The following CEP131 variants were observed in gnomAD, a reference collection of about 807,000 sequenced individuals.
The protein encoded by CEP131 is centrosomal protein of 131 kDa.
A neutral mutation model predicts 136.8 loss-of-function variants in CEP131; 99 were observed. The ratio of observed to expected loss-of-function variants is 0.72; its 90% confidence interval spans 0.62 to 0.86. The LOEUF (loss-of-function observed/expected upper bound fraction) is 0.86. CEP131 is among the 40% of genes least tolerant of loss of function. The pLI is 0.00. For missense variants in CEP131, 1,459 were observed against 1,463.0 expected, an observed-to-expected ratio of 1.00 and a Z score of 0.04; for synonymous variants, 646 against 612.7, an observed-to-expected ratio of 1.05 and a Z score of -0.80.
At chr17:81,195,984 C>T in intron 15 of CEP131, 33 bp from the exon 16 acceptor site, 1 of 1,569,328 alleles carries the variant, frequency 6.4e-7, no homozygotes, top group Non-Finnish European at 8.7e-7. Flanking sequence ...GGTGCTACAC[C>T]AAGGCCCCAG....
chr17:81,196,830 C>T lies in CEP131; in HGVS notation c.1774-4G>A, dbSNP rs1229406078. The T allele has an allele frequency of 1.3e-6, 2 of 1,596,766 alleles. No homozygotes were observed. Among genetic ancestry groups the T allele is most frequent in the South Asian group, 1.1e-5 (1 of 88,500 alleles). ...CCGTGAGGTCTCGCTGCTGCGCCTG[C>T]AGGGTGTGGGCAGAGGAGGGAAGCG... On this transcript the variant is annotated splice_polypyrimidine_tract_variant and splice_region_variant and intron_variant, in intron 14 of 25. Coordinates refer to ENST00000450824, the MANE Select transcript of CEP131 (RefSeq NM_014984.4).
chr17:81,217,321 T>A (rs2062269514), intron 2 of CEP131, among the ~76,000 whole-genome samples: 1 of 151,412 alleles, frequency 6.6e-6, no homozygotes, highest in African/African-American at 2.4e-5. Context: ...CGCAGGAAGA[T>A]CTTTAGAGAC....
Position 81,208,958 on chromosome 17 carries a change from T to A in CEP131, c.242A>T (p.Gln81Leu). ...GGAGCCGCTCCGAGGCTGGCTGACCTGCGTGGTGCTGTTGGATCTTCTAAG... is the reference window on the plus strand; with the variant it reads ...GGAGCCGCTCCGAGGCTGGCTGACCAGCGTGGTGCTGTTGGATCTTCTAAG... ...NNLRRSNSTT[Q>L]VSQPRSGSPR... is the part of the protein sequence containing the mutation. The change falls in exon 3 of 26, where the codon CAG becomes CTG. Residue 81 changes from glutamine to leucine, a missense_variant. Physicochemically the swap from Gln to Leu is moderately radical, Grantham distance 113. This residue lies in a region of CEP131 where 187 missense variants were observed against 179.9 expected (regional missense o/e 1.04). Coordinates refer to ENST00000450824, the MANE Select transcript of CEP131 (RefSeq NM_014984.4). This position sits in a 1 kb window ranked among gnomAD's most constrained non-coding sequence, Gnocchi z 5.6. 6.2e-7 allele frequency: 1 copy of A among 1,613,970 alleles called. No homozygotes were observed. Among genetic ancestry groups the A allele is most frequent in the African/African-American group, 1.3e-5 (1 of 75,044 alleles).
chr17:81,192,655 G>C, intron 19 of CEP131, 62 bp from the exon 20 acceptor site: 2 of 1,431,530 alleles, frequency 1.4e-6, no homozygotes, highest in Non-Finnish European at 1.9e-6. Flanking sequence ...GGATGGGAGA[G>C]GTCAGCGGGT....
chr17:81,205,331 C>A (rs1019019428), intron 5 of CEP131, among the ~76,000 whole-genome samples: 1 of 138,766 alleles, frequency 7.2e-6, no homozygotes, highest in Non-Finnish European at 1.5e-5. Flanking sequence ...CAGGGGCAGG[C>A]GCCAGGGGTA....
intron 2 of CEP131, among the ~76,000 whole-genome samples, chr17:81,211,734 C>A (rs1001817629): frequency 2.6e-5 from 4 of 151,250 alleles, no homozygotes; most frequent in Non-Finnish European, 5.9e-5. Flanking sequence ...GTAGTTCAAG[C>A]CCAGCCTGAG....
chr17:81,217,843 G>T (rs1181697914), intron 2 of CEP131, among the ~76,000 whole-genome samples: 1 of 152,168 alleles, frequency 6.6e-6, no homozygotes, highest in Non-Finnish European at 1.5e-5. Flanking sequence ...CTCAGCAACA[G>T]AACATTTCCC....
In CEP131 at chr17:81,192,395, G is replaced by C. The variant is rs747644761; in HGVS notation, c.2548-3C>G. 2.5e-6 allele frequency: 4 copies of C among 1,608,650 alleles called. No homozygotes were observed. The highest frequency in any genetic ancestry group is 3.4e-6 in the Non-Finnish European group (4 of 1,178,600). ...TGCTTCAGGGTATTCAGCTCCATCT[G>C]GGGGGCGGACATAAGAGGCCAGTCA... is the stretch of plus-strand genomic sequence containing the variant. On this transcript the variant is annotated splice_polypyrimidine_tract_variant and splice_region_variant and intron_variant, in intron 20 of 25. Transcript: ENST00000450824.
Position 81,208,893 on chromosome 17 carries a change from A to G in CEP131, c.272+35T>C. Reference sequence around the variant, plus strand: ...GGGTGGGGCACCTGAGGTCCCGGGAAGGGGCCAGGGTTATCCAAGGGCCTT... The same window carrying G: ...GGGTGGGGCACCTGAGGTCCCGGGAGGGGGCCAGGGTTATCCAAGGGCCTT... On this transcript the variant is annotated intron_variant, in intron 3 of 25. Transcript: ENST00000450824. The surrounding 1 kb of genome is among the most constrained non-coding windows in gnomAD (Gnocchi z 5.6). 1.3e-6 allele frequency: 2 copies of G among 1,553,832 alleles called. No individual in the cohort carries two copies. Among genetic ancestry groups the G allele is most frequent in the South Asian group, 1.1e-5 (1 of 89,466 alleles).
Position 81,202,332 on chromosome 17 carries a change from A to T in CEP131, c.696T>A (p.Asn232Lys). ...ESSGFGKLPK[N>K]VSSATHSARN... ...GGGCTGAGTGGGTGGCACTGGAGAC[A>T]TTCTTCGGCAGCTTCCCAAAGCCGC... Residue 232 changes from asparagine to lysine, a missense_variant, in exon 7 of 26, where the codon AAT becomes AAA. Physicochemically the swap from Asn to Lys is moderately conservative, Grantham distance 94. Coordinates refer to ENST00000450824, the MANE Select transcript of CEP131 (RefSeq NM_014984.4). 1 of 1,613,690 alleles carries T rather than the reference A, an allele frequency of 6.2e-7. No homozygotes were observed. The highest frequency in any genetic ancestry group is 1.3e-5 in the African/African-American group (1 of 75,014).
chr17:81,196,602 C>G (rs1380185894), intron 15 of CEP131, 99 bp downstream of exon 15: 2 of 1,483,312 alleles, frequency 1.3e-6, no homozygotes, highest in Non-Finnish European at 1.8e-6. Context: ...TGACACCCAA[C>G]AGAGGAAGAA....
chr17:81,203,321 C>A lies in CEP131; in HGVS notation c.629+173G>T, dbSNP rs1032746441. Among the ~76,000 whole-genome samples the A allele has an allele frequency of 6.6e-6, 1 of 152,186 alleles. No individual in the cohort carries two copies. The highest frequency in any genetic ancestry group is 2.4e-5 in the African/African-American group (1 of 41,442). On this transcript the variant is annotated intron_variant, in intron 6 of 25. Transcript: ENST00000450824. The surrounding 1 kb of genome is among the most constrained non-coding windows in gnomAD (Gnocchi z 4.6). ...CACGCGGTTTTACGTGCACTGACCA[C>A]GTGCCCTGACCGAGGTTGGACCCCA...
At position 81,206,801 on chromosome 17, in the gene CEP131, C is replaced by A. The variant is rs770016536; in HGVS notation, c.458G>T (p.Gly153Val). 2 of 1,614,120 alleles carry A rather than the reference C, an allele frequency of 1.2e-6. No homozygotes were observed. The highest frequency in any genetic ancestry group is 4.5e-5 in the East Asian group (2 of 44,888). ...CACGGTGCATTCTTTCCTCCGCGGG[C>A]CCGCTGGTGAGTCAAGGGCACTGGA... Reference protein sequence around the residue: ...RSSSALDSPAGPRRKECTVAL... With the variant: ...RSSSALDSPAVPRRKECTVAL... The change falls in exon 5 of 26, where the codon GGC becomes GTC. Residue 153 changes from glycine (G) to valine (V), a missense_variant. By Grantham distance (109) the Gly-to-Val change is moderately radical. Around this residue, in one of 3 missense-constraint regions of CEP131, gnomAD observed 246 missense variants for 318.9 expected, o/e 0.77. Transcript: ENST00000450824.
At chr17:81,190,386 C>T (rs1161728645) in intron 24 of CEP131, among the ~76,000 whole-genome samples, 1 of 152,216 alleles carries the variant, frequency 6.6e-6, no homozygotes, top group Non-Finnish European at 1.5e-5. Flanking sequence ...GAGAACTCGC[C>T]AGGCCCAGAC....
At chr17:81,214,746 C>T (rs1407084526) in intron 2 of CEP131, among the ~76,000 whole-genome samples, 2 of 151,914 alleles carry the variant, frequency 1.3e-5, no homozygotes, top group Non-Finnish European at 2.9e-5. Flanking sequence ...ATGATCTTTA[C>T]GGACAGCAAC....
chr17:81,214,478 C>T (rs960866685), intron 2 of CEP131, among the ~76,000 whole-genome samples: 2 of 152,010 alleles, frequency 1.3e-5, no homozygotes, highest in Admixed American at 6.6e-5. Flanking sequence ...ATCACTTGAA[C>T]CCAGGAGACA....
intron 5 of CEP131, among the ~76,000 whole-genome samples, chr17:81,205,567 T>C (rs1390978118): frequency 6.6e-6 from 1 of 151,690 alleles, no homozygotes; most frequent in Non-Finnish European, 1.5e-5. Flanking sequence ...GTTTGACATT[T>C]TGGCTGTGTA....
chr17:81,204,514 G>A (rs1435876794), intron 5 of CEP131, among the ~76,000 whole-genome samples: 2 of 152,112 alleles, frequency 1.3e-5, no homozygotes, highest in African/African-American at 2.4e-5. Flanking sequence ...GCCCCGAAGT[G>A]AAGCCACCAG....
intron 21 of CEP131, among the ~76,000 whole-genome samples, 194 bp downstream of exon 21, chr17:81,192,124 C>T (rs972273516): frequency 4.6e-5 from 7 of 152,088 alleles, no homozygotes; most frequent in African/African-American, 1.4e-4. Context: ...CTTCCAGAGC[C>T]CACGCAAAAG....
Sources: gnomAD v4.1 joint callset for allele counts (sites outside exome capture counted in the v4.1 genomes callset) on GRCh38, gnomAD v4.1.1 for gene constraint, gnomAD v4.1.1 regional missense constraint, Gnocchi (gnomAD v3.1) non-coding constraint, MANE v1.5 for transcripts, NCBI Gene and HGNC (gene_info 2026-07-23, HGNC 2026-07-21) for gene names.